The following TRIM35 variants were observed in gnomAD, a reference collection of about 807,000 sequenced individuals.
TRIM35 encodes E3 ubiquitin-protein ligase TRIM35.
A neutral mutation model predicts 49.1 loss-of-function variants in TRIM35; 37 were observed. The observed-to-expected ratio is 0.75, with a 90% confidence interval of 0.58 to 0.99. The LOEUF (loss-of-function observed/expected upper bound fraction) is 0.99, where lower values mean the gene tolerates loss of function less well. Among genes scored for constraint, TRIM35 ranks in the 50% least tolerant of loss-of-function variants. TRIM35 has a pLI of 0.00. For missense variants in TRIM35, 648 were observed against 702.7 expected (o/e 0.92, Z 0.88); for synonymous variants, 302 against 289.3 (o/e 1.04, Z -0.45).
intron 2 of TRIM35, among the ~76,000 whole-genome samples, chr8:27,295,178 A>G (rs1469194397): frequency 3.3e-5 from 5 of 152,240 alleles, no homozygotes; most frequent in Non-Finnish European, 7.3e-5. Flanking sequence ...TGAAAGAAAA[A>G]GCAAATAAAT....
In TRIM35 at chr8:27,298,355, T is replaced by C. The variant is rs561108569; in HGVS notation, c.531+109A>G. ...ACCATCAGAGGTAAGGCAGCCGACC[T>C]CTACCCAGCGGGTTATGTGAGCCAA... On this transcript the variant is annotated intron_variant, in intron 2 of 5. Coordinates refer to ENST00000305364, the MANE Select transcript of TRIM35 (RefSeq NM_171982.5). 3.9e-6 allele frequency: 4 copies of C among 1,018,568 alleles called. No homozygotes were observed. The East Asian group carries it at 9.7e-5, about 25-fold the overall frequency. The allele number at this position is 1,018,568 out of a possible 1,614,324, so 63.1% of individuals were successfully genotyped here. A position where few individuals can be genotyped will look rare whatever the true frequency, so the allele number is the denominator to read the frequency against.
intron 1 of TRIM35, among the ~76,000 whole-genome samples, chr8:27,307,444 TC>T (rs2130319670): frequency 6.6e-6 from 1 of 151,726 alleles, no homozygotes. Context: ...AAGAGCAGCC[TC>T]CCCCTTACAA....
In TRIM35 at chr8:27,287,400, C is replaced by T; in HGVS notation, c.*150G>A. ...GGACCAAACATGGAGAGAGGCACAG[C>T]CTGGAGTCATGGAAAAGGACCAGGC... On this transcript the variant is annotated 3_prime_UTR_variant, in exon 6 of 6. Coordinates refer to ENST00000305364, the MANE Select transcript of TRIM35 (RefSeq NM_171982.5). The surrounding 1 kb of genome is among the most constrained non-coding windows in gnomAD (Gnocchi z 6.0). The T allele has an allele frequency of 1.2e-6, 1 of 857,116 alleles. No individual in the cohort carries two copies. The highest frequency in any genetic ancestry group is 2.7e-5 in the East Asian group (1 of 37,228). 53.1% of individuals were successfully genotyped at this position (857,116 alleles called of 1,614,324 possible).
At chr8:27,295,407 G>A (rs1179925088) in intron 2 of TRIM35, among the ~76,000 whole-genome samples, 1 of 152,162 alleles carries the variant, frequency 6.6e-6, no homozygotes, top group Non-Finnish European at 1.5e-5. Flanking sequence ...ACTCATCTTT[G>A]GACTGAAAGT....
chr8:27,288,102 G>A lies in TRIM35; in HGVS notation c.930C>T (p.Thr310=), dbSNP rs374595754. The A allele has an allele frequency of 3.5e-5, 56 of 1,608,520 alleles. No homozygotes were observed. Among genetic ancestry groups the A allele is most frequent in the Admixed American group, 2.0e-4 (12 of 59,988 alleles). The part of the protein sequence containing the change: ...ESVPFSFDPN[T]AAGWLSVSDD... Reference sequence around the variant, plus strand: ...CAGACACGGAGAGCCAGCCAGCTGCGGTGTTGGGGTCAAAGCTGAAGGGTA... The same window carrying A: ...CAGACACGGAGAGCCAGCCAGCTGCAGTGTTGGGGTCAAAGCTGAAGGGTA... Residue 310 remains threonine (T), a synonymous_variant, in exon 6 of 6, where the codon ACC becomes ACT. Coordinates refer to ENST00000305364, the MANE Select transcript of TRIM35 (RefSeq NM_171982.5).
At position 27,294,281 on chromosome 8, in the gene TRIM35, G is replaced by A; in HGVS notation, c.561C>T (p.Ile187=). The change falls in exon 3 of 6, where the codon ATC becomes ATT. Residue 187 remains isoleucine (I), a synonymous_variant. Coordinates refer to ENST00000305364, the MANE Select transcript of TRIM35 (RefSeq NM_171982.5). ...CGCGAAGCTTATCAAACTCCTGCCG[G>A]ATCCGGCCTTCCAGCCATGCAGCCT... ...QVEAAWLEGR[I]RQEFDKLREF... 6.2e-7 allele frequency: 1 copy of A among 1,613,994 alleles called. No individual in the cohort carries two copies. The highest frequency in any genetic ancestry group is 8.5e-7 in the Non-Finnish European group (1 of 1,180,026).
At chr8:27,309,373 AC>A (rs1218888410) in intron 1 of TRIM35, among the ~76,000 whole-genome samples, 78 of 152,356 alleles carry the variant, frequency 5.1e-4, no homozygotes, top group Admixed American at 5.0e-3. Context: ...CCCATGTTAA[AC>A]AAAAAAGATG....
At chr8:27,299,749 A>C (rs1802645373) in intron 1 of TRIM35, among the ~76,000 whole-genome samples, 1 of 152,210 alleles carries the variant, frequency 6.6e-6, no homozygotes, top group Non-Finnish European at 1.5e-5. Flanking sequence ...ACAAATCTGG[A>C]CTTTGGGCTG....
Position 27,311,239 on chromosome 8 carries a change from A to G in TRIM35, c.-4T>C. 1 of 1,521,010 alleles carries G rather than the reference A, an allele frequency of 6.6e-7. No homozygotes were observed. Among genetic ancestry groups the G allele is most frequent in the Non-Finnish European group, 8.8e-7 (1 of 1,133,550 alleles). 94.2% of individuals were successfully genotyped at this position (1,521,010 alleles called of 1,614,324 possible). On this transcript the variant is annotated 5_prime_UTR_variant, in exon 1 of 6. Transcript: ENST00000305364. ...ACACGTCGGGACTCCGCTCCATGGC[A>G]CGAGCAGCCGGCTCGGGCGCCCGGA...
chr8:27,288,134 G>T lies in TRIM35; in HGVS notation c.905-7C>A, dbSNP rs778059379. 2 of 1,594,518 alleles carry T rather than the reference G, an allele frequency of 1.3e-6. No homozygotes were observed. The highest frequency in any genetic ancestry group is 1.1e-5 in the South Asian group (1 of 90,672). On this transcript the variant is annotated splice_region_variant and splice_polypyrimidine_tract_variant and intron_variant, in intron 5 of 5. Coordinates refer to ENST00000305364, the MANE Select transcript of TRIM35 (RefSeq NM_171982.5). Reference sequence around the variant, plus strand: ...GGGTCAAAGCTGAAGGGTACTGCAAGCAGAGGCGGAAATGGGGAATCAGCA... The same window carrying T: ...GGGTCAAAGCTGAAGGGTACTGCAATCAGAGGCGGAAATGGGGAATCAGCA...
intron 1 of TRIM35, among the ~76,000 whole-genome samples, chr8:27,307,725 C>G (rs1162894752): frequency 1.3e-5 from 2 of 152,196 alleles, no homozygotes; most frequent in East Asian, 3.8e-4. Context: ...GTGAACTGAA[C>G]AAGGCTCCAG....
chr8:27,311,155 G>C lies in TRIM35; in HGVS notation c.81C>G (p.Pro27=), dbSNP rs749053287. The change falls in exon 1 of 6, where the codon CCC becomes CCG. Residue 27 remains proline, a synonymous_variant. Transcript: ENST00000305364. The part of the protein sequence containing the change: ...EELLCAVCYD[P]FRDAVTLRCG... The stretch of plus-strand genomic sequence containing the variant: ...AGCGCAGAGTGACTGCGTCGCGGAA[G>C]GGGTCGTAGCAGACGGCGCAGAGCA... 1.1e-5 allele frequency: 18 copies of C among 1,607,132 alleles called. No homozygotes were observed. The highest frequency in any genetic ancestry group is 1.4e-5 in the Non-Finnish European group (17 of 1,177,946).
At chr8:27,290,100 A>AC in intron 4 of TRIM35, 56 bp downstream of exon 4, 1 of 1,610,058 alleles carries the variant, frequency 6.2e-7, no homozygotes, top group South Asian at 1.1e-5. Context: ...TGGAGTTTGC[A>AC]CCCCTGGTAT....
intron 2 of TRIM35, among the ~76,000 whole-genome samples, chr8:27,295,113 T>C (rs953898893): frequency 6.6e-6 from 1 of 152,198 alleles, no homozygotes; most frequent in African/African-American, 2.4e-5. Context: ...CGTGAGCCAC[T>C]GTGCCCAGCC....
chr8:27,311,259 C>T lies in TRIM35; in HGVS notation c.-24G>A. 6.8e-7 allele frequency: 1 copy of T among 1,478,996 alleles called. No individual in the cohort carries two copies. Among genetic ancestry groups the T allele is most frequent in the Non-Finnish European group, 9.0e-7 (1 of 1,113,046 alleles). The allele number at this position is 1,478,996 out of a possible 1,614,324, so 91.6% of individuals were successfully genotyped here. On this transcript the variant is annotated 5_prime_UTR_variant, in exon 1 of 6. Coordinates refer to ENST00000305364, the MANE Select transcript of TRIM35 (RefSeq NM_171982.5). ...ATGGCACGAGCAGCCGGCTCGGGCG[C>T]CCGGAACTTTTGCTCCGGCCCCTCC...
chr8:27,310,735 C>T, intron 1 of TRIM35, 66 bp downstream of exon 1: 1 of 1,491,476 alleles, frequency 6.7e-7, no homozygotes, highest in Non-Finnish European at 9.0e-7. Context: ...GGGCGGGAGC[C>T]GCAGAGCCAA....
In TRIM35 at chr8:27,289,271, G is replaced by A. The variant is rs112470372; in HGVS notation, c.795C>T (p.Cys265=). 269 of 1,613,954 alleles carry A rather than the reference G, an allele frequency of 1.7e-4. No individual in the cohort carries two copies. The African/African-American group carries it at 2.1e-3, about 13-fold the overall frequency. The change falls in exon 5 of 6, where the codon TGC becomes TGT. Residue 265 remains cysteine (C), a synonymous_variant. Transcript: ENST00000305364. ...KHKSRKRRLF[C]TMEPEPVQPG... is the part of the protein sequence containing the mutation. ...GCTGGACTGGCTCTGGCTCCATGGTGCAGAAGAGTCTGGAAAAGTACAATG... is the reference window on the plus strand; with the variant it reads ...GCTGGACTGGCTCTGGCTCCATGGTACAGAAGAGTCTGGAAAAGTACAATG...
At chr8:27,310,312 C>T (rs1802896394) in intron 1 of TRIM35, among the ~76,000 whole-genome samples, 1 of 152,220 alleles carries the variant, frequency 6.6e-6, no homozygotes, top group South Asian at 2.1e-4. Context: ...AGAGACCTCT[C>T]ACTCAGATAA....
At position 27,297,348 on chromosome 8, in the gene TRIM35, G is replaced by C. The variant is rs549444527; in HGVS notation, c.531+1116C>G. On this transcript the variant is annotated intron_variant, in intron 2 of 5. Coordinates refer to ENST00000305364, the MANE Select transcript of TRIM35 (RefSeq NM_171982.5). Reference sequence around the variant, plus strand: ...AACCACTTCAGAAAGCCAAAGACCAGAGCCAAGATCAACAGTCAGAAACAA... The same window carrying C: ...AACCACTTCAGAAAGCCAAAGACCACAGCCAAGATCAACAGTCAGAAACAA... Among the ~76,000 whole-genome samples, 15 of 152,336 alleles carry C rather than the reference G, an allele frequency of 9.8e-5. No homozygotes were observed. In the South Asian group the frequency reaches 3.1e-3, roughly 32 times the overall value.
Sources: gnomAD v4.1 joint callset for allele counts (sites outside exome capture counted in the v4.1 genomes callset) on GRCh38, gnomAD v4.1.1 for gene constraint, Gnocchi (gnomAD v3.1) non-coding constraint, MANE v1.5 for transcripts, NCBI Gene and HGNC (gene_info 2026-07-23, HGNC 2026-07-21) for gene names.